PCBP3: variants seen among roughly 807,000 people sequenced by gnomAD.
PCBP3 encodes poly(rC)-binding protein 3.
Under a neutral mutation model 52.7 loss-of-function variants are expected in PCBP3, and 25 were observed. That is an observed-to-expected ratio of 0.47 (90% CI 0.35 to 0.66). The LOEUF is 0.66. Ranked by LOEUF, PCBP3 falls within the 30% of genes least tolerant of loss-of-function variation. PCBP3 has a pLI of 0.01. For missense variants in PCBP3, 391 were observed against 490.3 expected (o/e 0.80, Z 1.91); for synonymous variants, 162 against 183.0 (o/e 0.89, Z 0.93).
chr21:45,707,416 T>C (rs1387455619), intron 2 of PCBP3, among the ~76,000 whole-genome samples: 1 of 152,146 alleles, frequency 6.6e-6, no homozygotes, highest in East Asian at 1.9e-4. Flanking sequence ...CTCGGAAGGC[T>C]GAGGCAGGAG....
At chr21:45,738,971 C>G (rs2086125463) in intron 3 of PCBP3, among the ~76,000 whole-genome samples, 1 of 118,024 alleles carries the variant, frequency 8.5e-6, no homozygotes, top group South Asian at 3.6e-4. Context: ...CTCTGGGTAG[C>G]CCCCCCATCT....
At chr21:45,801,481 G>T (rs1248679433) in intron 4 of PCBP3, among the ~76,000 whole-genome samples, 1 of 152,214 alleles carries the variant, frequency 6.6e-6, no homozygotes, top group Non-Finnish European at 1.5e-5. Flanking sequence ...AGGTTCCATG[G>T]CCTTGGTACA....
intron 4 of PCBP3, among the ~76,000 whole-genome samples, chr21:45,807,075 C>T (rs2092529097): frequency 6.6e-6 from 1 of 152,156 alleles, no homozygotes; most frequent in Admixed American, 6.5e-5. Flanking sequence ...AACCCACAGC[C>T]AATATCACAC....
At chr21:45,682,232 C>G (rs1255917469) in intron 2 of PCBP3, among the ~76,000 whole-genome samples, 1 of 152,162 alleles carries the variant, frequency 6.6e-6, no homozygotes, top group Non-Finnish European at 1.5e-5. Context: ...ATTTATGGTA[C>G]TATGAACACC....
intron 2 of PCBP3, among the ~76,000 whole-genome samples, chr21:45,681,985 A>G (rs1244281094): frequency 6.6e-6 from 1 of 152,200 alleles, no homozygotes. Flanking sequence ...CTGGGGGGCT[A>G]TGAAAAAAAT....
intron 2 of PCBP3, among the ~76,000 whole-genome samples, chr21:45,713,936 G>A (rs1013968586): frequency 5.3e-5 from 8 of 152,228 alleles, no homozygotes; most frequent in Middle Eastern, 3.2e-3. Context: ...TAGGGGTGGG[G>A]TATGTGCAGA....
chr21:45,909,851 T>C (rs546924596), intron 10 of PCBP3, among the ~76,000 whole-genome samples: 125 of 4,942 alleles, frequency 0.025, 3 homozygotes, highest in South Asian at 0.051. Flanking sequence ...GATACGGACC[T>C]GGCCACCCAC....
chr21:45,652,365 A>T (rs906258328), intron 1 of PCBP3, among the ~76,000 whole-genome samples: 2 of 152,110 alleles, frequency 1.3e-5, no homozygotes, highest in Non-Finnish European at 2.9e-5. Context: ...TAATTCTACT[A>T]CCCACAGATG....
chr21:45,933,620 G>A (rs147698304), intron 15 of PCBP3, among the ~76,000 whole-genome samples: 31 of 152,340 alleles, frequency 2.0e-4, no homozygotes, highest in Non-Finnish European at 3.8e-4. Context: ...TGTTTTGAAA[G>A]TATCTTTATT....
At chr21:45,814,951 G>C (rs2092831703) in intron 4 of PCBP3, among the ~76,000 whole-genome samples, 1 of 117,368 alleles carries the variant, frequency 8.5e-6, no homozygotes. Context: ...GATGAGTGGT[G>C]AGTGAGTGGT....
chr21:45,769,133 G>C (rs1454599000), intron 4 of PCBP3, among the ~76,000 whole-genome samples: 1 of 152,178 alleles, frequency 6.6e-6, no homozygotes, highest in Non-Finnish European at 1.5e-5. Flanking sequence ...TTTCTCCACT[G>C]AATCCTTGTC....
chr21:45,919,797 C>T (rs957094471), intron 13 of PCBP3, among the ~76,000 whole-genome samples: 2 of 151,522 alleles, frequency 1.3e-5, no homozygotes, highest in African/African-American at 2.4e-5. Context: ...CCAGCAGCAG[C>T]GTTGGGCAGA....
At chr21:45,679,546 T>C (rs1188175114) in intron 2 of PCBP3, among the ~76,000 whole-genome samples, 1 of 152,190 alleles carries the variant, frequency 6.6e-6, no homozygotes, top group Non-Finnish European at 1.5e-5. Context: ...AAAATTCATG[T>C]GACTTGCTTT....
intron 5 of PCBP3, among the ~76,000 whole-genome samples, chr21:45,874,505 C>CTTTTTTTT (rs551716964): frequency 3.7e-5 from 5 of 134,012 alleles, no homozygotes; most frequent in Non-Finnish European, 8.1e-5. Flanking sequence ...TTCTTCTTTT[C>CTTTTTTTT]TTTTTTTTTT....
At chr21:45,935,122 G>T in intron 15 of PCBP3, 131 bp from the exon 16 acceptor site, 1 of 654,072 alleles carries the variant, frequency 1.5e-6, no homozygotes, top group Non-Finnish European at 2.8e-6. Flanking sequence ...CCTCTGGGCT[G>T]TGCTGACCCT....
chr21:45,788,307 G>C lies in PCBP3; in HGVS notation c.-126+32855G>C, dbSNP rs1487131689. The C allele has an allele frequency of 6.6e-6, 1 of 152,500 alleles. No individual in the cohort carries two copies. The highest frequency in any genetic ancestry group is 2.4e-5 in the African/African-American group (1 of 41,446). The allele number at this position is 152,500 out of a possible 1,614,324, so 9.4% of individuals were successfully genotyped here. A position where few individuals can be genotyped will look rare whatever the true frequency, so the allele number is the denominator to read the frequency against. ...CCTTGCTTTTTGGTAGATGGACAGT[G>C]TGTCACCCTCGGGGAGCAGGTGGGC... is the stretch of plus-strand genomic sequence containing the variant. On this transcript the variant is annotated intron_variant, in intron 4 of 17. Transcript: ENST00000681687. This position sits in a 1 kb window ranked among gnomAD's most constrained non-coding sequence, Gnocchi z 4.3.
At chr21:45,664,749 A>G (rs1256593449) in intron 1 of PCBP3, among the ~76,000 whole-genome samples, 17 of 146,274 alleles carry the variant, frequency 1.2e-4, no homozygotes, top group Admixed American at 4.8e-4. Context: ...TATATCTCCC[A>G]ATGCTATCCC....
At chr21:45,667,075 G>GTTCGTTCTTTCTTTCT (rs1357637647) in intron 1 of PCBP3, among the ~76,000 whole-genome samples, 6 of 147,550 alleles carry the variant, frequency 4.1e-5, no homozygotes, top group African/African-American at 1.5e-4. Context: ...GCATCTGTTT[G>GTTCGTTCTTTCTTTCT]TTCTTTCTTT....
chr21:45,718,719 A>C (rs1603311704), intron 2 of PCBP3, among the ~76,000 whole-genome samples: 1 of 152,152 alleles, frequency 6.6e-6, no homozygotes, highest in African/African-American at 2.4e-5. Flanking sequence ...TAATTGTGAC[A>C]ATTTTGCCAG....
Sources: allele counts gnomAD v4.1 joint callset (sites outside exome capture counted in the v4.1 genomes callset), GRCh38; gene constraint gnomAD v4.1.1; non-coding constraint Gnocchi (gnomAD v3.1); transcripts MANE v1.5; gene names NCBI Gene and HGNC (gene_info 2026-07-23, HGNC 2026-07-21).